MICU3: variants seen among roughly 807,000 people sequenced by gnomAD.
MICU3 encodes the protein calcium uptake protein 3, mitochondrial.
In MICU3, 62 loss-of-function variants were observed where a neutral mutation model predicts 66.5. The observed-to-expected ratio is 0.93, with a 90% CI of 0.76 to 1.15. MICU3 has a LOEUF of 1.15. Ranked by LOEUF, MICU3 falls within the 50% of genes most tolerant of loss-of-function variation. MICU3 has a pLI of 0.00. For synonymous variants in MICU3, 308 were observed against 240.7 expected, an observed-to-expected ratio of 1.28 and a Z score of -2.59; for missense variants, 779 against 664.4, an observed-to-expected ratio of 1.17 and a Z score of -1.90.
chr8:17,127,189 T>C (rs1358271027), downstream of MICU3, among the ~76,000 whole-genome samples: 1 of 152,230 alleles, frequency 6.6e-6, no homozygotes, highest in East Asian at 1.9e-4. Flanking sequence ...CTGAAAAATC[T>C]ATGAAAAGCA....
In MICU3 at chr8:17,098,498, A is replaced by C; in HGVS notation, c.929A>C (p.Tyr310Ser). Residue 310 changes from tyrosine to serine, a missense_variant, in exon 9 of 15, where the codon TAT becomes TCT. Physicochemically the swap from Tyr to Ser is moderately radical, Grantham distance 144. Coordinates refer to ENST00000318063, the MANE Select transcript of MICU3 (RefSeq NM_181723.3). Reference sequence around the variant, plus strand: ...GCTGAGGAACTTGTCTCCAGAAGCTATTGGGATACACTGAGACGTAACACA... The same window carrying C: ...GCTGAGGAACTTGTCTCCAGAAGCTCTTGGGATACACTGAGACGTAACACA... ...TDAEELVSRS[Y>S]WDTLRRNTSQ... 6.2e-7 allele frequency: 1 copy of C among 1,611,812 alleles called. No individual in the cohort carries two copies. Among genetic ancestry groups the C allele is most frequent in the Non-Finnish European group, 8.5e-7 (1 of 1,178,334 alleles).
chr8:17,044,319 A>C (rs2150540313), intron 1 of MICU3, among the ~76,000 whole-genome samples: 1 of 152,320 alleles, frequency 6.6e-6, no homozygotes, highest in East Asian at 1.9e-4. Flanking sequence ...TCATAAAAAC[A>C]TGTCTCATAT....
chr8:17,119,134 A>G (rs376266660), intron 14 of MICU3, among the ~76,000 whole-genome samples: 2 of 152,148 alleles, frequency 1.3e-5, no homozygotes, highest in South Asian at 2.1e-4. Flanking sequence ...CACAGGTAGT[A>G]TCTCATTTAA....
chr8:17,049,794 AC>A (rs1235795670), intron 1 of MICU3, among the ~76,000 whole-genome samples: 1 of 152,196 alleles, frequency 6.6e-6, no homozygotes, highest in African/African-American at 2.4e-5. Flanking sequence ...GTACAGTTGC[AC>A]TAATAATATA....
chr8:17,099,410 A>C (rs10503588), intron 9 of MICU3, among the ~76,000 whole-genome samples: 8,840 of 151,816 alleles, frequency 0.058, 870 homozygotes, highest in African/African-American at 0.2. Flanking sequence ...TATCTGGAGA[A>C]GTAAACTGGA....
At chr8:17,130,877 A>G in the MICU3 span, among the ~76,000 whole-genome samples, 1 of 152,264 alleles carries the variant, frequency 6.6e-6, no homozygotes, top group African/African-American at 2.4e-5. Flanking sequence ...AAACATTCCA[A>G]CTAAAACTCA....
chr8:17,058,927 A>T (rs1449861476), intron 1 of MICU3, among the ~76,000 whole-genome samples: 1 of 152,260 alleles, frequency 6.6e-6, no homozygotes, highest in Admixed American at 6.5e-5. Context: ...TGTAGGCAGA[A>T]CATGATTAAA....
At chr8:17,130,697 C>T in the MICU3 span, among the ~76,000 whole-genome samples, 615 of 152,110 alleles carry the variant, frequency 4.0e-3, 10 homozygotes, top group Admixed American at 0.032. Flanking sequence ...ATATAGATTG[C>T]GACCCATAGA....
downstream of MICU3, among the ~76,000 whole-genome samples, chr8:17,125,015 G>T (rs1454214931): frequency 1.3e-5 from 2 of 151,900 alleles, no homozygotes; most frequent in Non-Finnish European, 2.9e-5. Flanking sequence ...AAAACTCATG[G>T]CATTCATTTC....
the MICU3 span, among the ~76,000 whole-genome samples, chr8:17,128,832 T>C: frequency 6.6e-6 from 1 of 152,132 alleles, no homozygotes; most frequent in African/African-American, 2.4e-5. Context: ...CTGAAATTTA[T>C]GGGACAGAGT....
intron 1 of MICU3, among the ~76,000 whole-genome samples, chr8:17,038,132 G>A (rs1028646767): frequency 1.3e-5 from 2 of 152,150 alleles, no homozygotes; most frequent in Non-Finnish European, 2.9e-5. Context: ...AGACTTTGGG[G>A]GACTGTTGGA....
intron 8 of MICU3, among the ~76,000 whole-genome samples, chr8:17,096,082 C>G (rs1191248495): frequency 1.3e-5 from 2 of 151,892 alleles, no homozygotes; most frequent in Non-Finnish European, 2.9e-5. Context: ...TACATGACAT[C>G]TGGTAAAGGG....
At position 17,120,637 on chromosome 8, in the gene MICU3, A is replaced by G. The variant is rs1354880702; in HGVS notation, c.*350A>G. 6.6e-6 allele frequency: 1 copy of G among 152,364 alleles called. No homozygotes were observed. The highest frequency in any genetic ancestry group is 6.6e-5 in the Admixed American group (1 of 15,248). The allele number at this position is 152,364 out of a possible 1,614,324, so 9.4% of individuals were successfully genotyped here. A position where few individuals can be genotyped will look rare whatever the true frequency, so the allele number is the denominator to read the frequency against. On this transcript the variant is annotated 3_prime_UTR_variant, in exon 15 of 15. Coordinates refer to ENST00000318063, the MANE Select transcript of MICU3 (RefSeq NM_181723.3). ...TATTTATTCATTAGAAATTTTCCTC[A>G]TTTCAAAATAATTTATGACTCATGG...
intron 13 of MICU3, among the ~76,000 whole-genome samples, chr8:17,117,378 AT>A (rs987044574): frequency 7.9e-5 from 12 of 152,152 alleles, no homozygotes; most frequent in African/African-American, 1.9e-4. Context: ...TAAGTTAAAA[AT>A]TTTTTTATCG....
chr8:17,077,700 G>A, intron 3 of MICU3, 83 bp from the exon 4 acceptor site: 2 of 927,698 alleles, frequency 2.2e-6, no homozygotes, highest in Non-Finnish European at 3.4e-6. Context: ...TGGAGAATTT[G>A]GCATGGACAT....
At chr8:17,033,567 G>C (rs538506228) in intron 1 of MICU3, among the ~76,000 whole-genome samples, 32 of 152,006 alleles carry the variant, frequency 2.1e-4, no homozygotes, top group Non-Finnish European at 4.4e-4. Context: ...CTCCCGAGTA[G>C]CTGGGACTGC....
chr8:17,047,957 G>A (rs191688426), intron 1 of MICU3, among the ~76,000 whole-genome samples: 2 of 152,242 alleles, frequency 1.3e-5, no homozygotes, highest in African/African-American at 4.8e-5. Context: ...TTTAAAAGAA[G>A]TTACAATGAA....
At chr8:17,123,212 T>G (rs1265914095), downstream of MICU3, among the ~76,000 whole-genome samples, 1 of 152,118 alleles carries the variant, frequency 6.6e-6, no homozygotes, top group Admixed American at 6.6e-5. Flanking sequence ...GCATCTTAGA[T>G]TCTGTGAAAT....
intron 1 of MICU3, among the ~76,000 whole-genome samples, chr8:17,036,360 C>T (rs968886642): frequency 4.6e-5 from 7 of 152,080 alleles, no homozygotes; most frequent in South Asian, 2.1e-4. Flanking sequence ...TTGCAAAGAG[C>T]GAAAGAACAA....
Sources: gnomAD v4.1 joint callset for allele counts (sites outside exome capture counted in the v4.1 genomes callset) on GRCh38, gnomAD v4.1.1 for gene constraint, MANE v1.5 for transcripts, NCBI Gene and HGNC (gene_info 2026-07-23, HGNC 2026-07-21) for gene names.